Variants in BCORL1 observed in about 807,000 individuals in gnomAD.
BCORL1 encodes BCL-6 corepressor-like protein 1.
A neutral mutation model predicts 87.6 loss-of-function variants in BCORL1; 7 were observed. That is an observed-to-expected ratio of 0.08 (90% CI 0.05 to 0.15). BCORL1 has a LOEUF of 0.15. BCORL1 is among the 10% of genes least tolerant of loss of function. The pLI is 1.00. For missense variants in BCORL1, 1,215 were observed against 1,499.7 expected (o/e 0.81, Z 3.13); for synonymous variants, 591 against 634.4 (o/e 0.93, Z 1.03).
At chrX:129,991,741 T>C (rs760855816) in intron 1 of BCORL1, among the ~76,000 whole-genome samples, 7 of 86,997 alleles carry the variant, frequency 8.0e-5, no homozygotes, top group Non-Finnish European at 1.3e-4. Flanking sequence ...CACTGCAACC[T>C]CCATCTCCCG....
chrX:130,048,880 C>A (rs1385185799), intron 11 of BCORL1, among the ~76,000 whole-genome samples: 1 of 112,373 alleles, frequency 8.9e-6, no homozygotes, highest in Non-Finnish European at 1.9e-5. Flanking sequence ...CTTGCCTCTT[C>A]TGGACATTTC....
At chrX:130,038,922 G>C (rs1383255040) in intron 10 of BCORL1, among the ~76,000 whole-genome samples, 10 of 111,936 alleles carry the variant, frequency 8.9e-5, no homozygotes, top group Non-Finnish European at 1.7e-4. Flanking sequence ...TAATGGGAGG[G>C]AGGAAAAGGG....
chrX:130,013,070 G>T lies in BCORL1; in HGVS notation c.298G>T (p.Asp100Tyr). 1.7e-6 allele frequency: 2 copies of T among 1,211,007 alleles called. No homozygotes were observed. Among genetic ancestry groups the T allele is most frequent in the Non-Finnish European group, 2.2e-6 (2 of 894,652 alleles). ...GCCTGACGATCCCCAGCCAAAAATG[G>T]ACTACGCTGGGAACGTGGCAGAGGC... Reference protein sequence around the residue: ...DKPDDPQPKMDYAGNVAEAEG... With the variant: ...DKPDDPQPKMYYAGNVAEAEG... The change falls in exon 4 of 14, where the codon GAC becomes TAC. Residue 100 changes from aspartate to tyrosine, a missense_variant. By Grantham distance (160) the Asp-to-Tyr change is radical (BLOSUM62 -3). Around this residue, in one of 5 missense-constraint regions of BCORL1, gnomAD observed 861 missense variants for 1,010.0 expected, o/e 0.85. Coordinates refer to ENST00000540052, the MANE Select transcript of BCORL1 (RefSeq NM_001379451.1).
At chrX:129,987,137 A>G (rs991802663) in intron 1 of BCORL1, among the ~76,000 whole-genome samples, 3 of 112,268 alleles carry the variant, frequency 2.7e-5, no homozygotes, top group African/African-American at 6.5e-5. Context: ...TAAACTTTGA[A>G]GAACTCTTAA....
intron 1 of BCORL1, among the ~76,000 whole-genome samples, chrX:130,003,818 A>T (rs1041863445): frequency 1.5e-4 from 17 of 112,285 alleles, no homozygotes; most frequent in African/African-American, 5.5e-4. Context: ...TTAATTGCTG[A>T]ATCCTCAGTA....
At position 129,999,694 on chromosome X, in the gene BCORL1, C is replaced by A. The variant is rs767218906; in HGVS notation, c.-44-5494C>A. ...TCCTCTAATTCTTTTTCCCCCCCCC[C>A]AGACAGAGTCTTAACTGTCGCCTAG... is the stretch of plus-strand genomic sequence containing the variant. On this transcript the variant is annotated intron_variant, in intron 1 of 13. Coordinates refer to ENST00000540052, the MANE Select transcript of BCORL1 (RefSeq NM_001379451.1). Among the ~76,000 whole-genome samples the A allele has an allele frequency of 2.0e-4, 20 of 102,549 alleles. No individual in the cohort carries two copies. The East Asian group carries it at 2.5e-3, about 13-fold the overall frequency. The allele number at this position is 102,549 out of a possible 115,157, so 89.1% of individuals were successfully genotyped here.
chrX:130,001,376 A>T (rs1360236418), intron 1 of BCORL1, among the ~76,000 whole-genome samples: 2 of 112,623 alleles, frequency 1.8e-5, no homozygotes, highest in Non-Finnish European at 3.8e-5. Context: ...GGTGTGAGCC[A>T]CCGTGGCTGG....
In BCORL1 at chrX:130,013,386, C is replaced by T; in HGVS notation, c.614C>T (p.Pro205Leu). ...NFSPLPAPIC[P>L]PAPGSASVPH... The stretch of plus-strand genomic sequence containing the variant: ...AGTCCTCTGCCAGCCCCTATCTGTC[C>T]CCCTGCTCCCGGTTCGGCCTCTGTG... The change falls in exon 4 of 14, where the codon CCC becomes CTC. Residue 205 changes from proline (P) to leucine (L), a missense_variant. Coordinates refer to ENST00000540052, the MANE Select transcript of BCORL1 (RefSeq NM_001379451.1). 4.1e-6 allele frequency: 5 copies of T among 1,210,977 alleles called. No individual in the cohort carries two copies. The highest frequency in any genetic ancestry group is 5.6e-6 in the Non-Finnish European group (5 of 895,109).
At chrX:130,005,366 C>G (rs1347023176) in intron 2 of BCORL1, 49 bp downstream of exon 2, 1 of 1,087,704 alleles carries the variant, frequency 9.2e-7, no homozygotes. Flanking sequence ...TGAGCAGTAC[C>G]TCGTCACCAG....
chrX:130,012,399 G>A (rs1451897082), intron 2 of BCORL1, among the ~76,000 whole-genome samples, 179 bp from the exon 3 acceptor site: 4 of 111,433 alleles, frequency 3.6e-5, no homozygotes, highest in Non-Finnish European at 7.5e-5. Flanking sequence ...TAGGTGTGGC[G>A]CCTCCGCTTT....
In BCORL1 at chrX:130,015,768, C is replaced by A; in HGVS notation, c.2996C>A (p.Thr999Asn). 1 of 1,211,559 alleles carries A rather than the reference C, an allele frequency of 8.3e-7. No homozygotes were observed. Among genetic ancestry groups the A allele is most frequent in the Middle Eastern group, 2.3e-4 (1 of 4,355 alleles). The part of the protein sequence containing the change: ...TYMSHELVLA[T>N]PQNLPKMPEL... ...ATGTCCCATGAGCTGGTCCTGGCCACCCCCCAGAACCTGCCTAAGATGCCT... is the reference window on the plus strand; with the variant it reads ...ATGTCCCATGAGCTGGTCCTGGCCAACCCCCAGAACCTGCCTAAGATGCCT... Residue 999 changes from threonine (T) to asparagine (N), a missense_variant, in exon 4 of 14, where the codon ACC (threonine) becomes AAC (asparagine). This residue lies in a region of BCORL1 where 861 missense variants were observed against 1,010.0 expected (regional missense o/e 0.85). Coordinates refer to ENST00000540052, the MANE Select transcript of BCORL1 (RefSeq NM_001379451.1).
At chrX:129,998,483 C>T (rs1046686271) in intron 1 of BCORL1, among the ~76,000 whole-genome samples, 1 of 111,663 alleles carries the variant, frequency 9.0e-6, no homozygotes, top group Non-Finnish European at 1.9e-5. Flanking sequence ...AAGGCTTTTC[C>T]TTTTTGCTCA....
upstream of BCORL1, among the ~76,000 whole-genome samples, chrX:129,982,184 C>T (rs1926160730): frequency 1.8e-5 from 2 of 108,330 alleles, no homozygotes; most frequent in Admixed American, 1.9e-4. Context: ...CAACCTCCCC[C>T]TTCGAGGGGC....
intron 1 of BCORL1, among the ~76,000 whole-genome samples, chrX:129,996,811 G>T (rs750776213): frequency 6.4e-5 from 7 of 109,776 alleles, no homozygotes; most frequent in Non-Finnish European, 1.1e-4. Context: ...TAGAGACGAG[G>T]TCTCACTATG....
chrX:130,055,785 G>A, intron 13 of BCORL1, 69 bp from the exon 14 acceptor site: 5 of 1,057,449 alleles, frequency 4.7e-6, no homozygotes, highest in Non-Finnish European at 6.4e-6. Flanking sequence ...GCTTTGCAGA[G>A]TGTTCTGGGT....
intron 1 of BCORL1, among the ~76,000 whole-genome samples, chrX:129,983,747 A>C (rs1335775517): frequency 9.4e-6 from 1 of 106,076 alleles, no homozygotes; most frequent in Non-Finnish European, 2.0e-5. Context: ...GCTTAAATTG[A>C]AGGAAGATGA....
chrX:130,047,899 A>T (rs774319807), intron 11 of BCORL1, among the ~76,000 whole-genome samples: 263 of 111,887 alleles, frequency 2.4e-3, no homozygotes, highest in African/African-American at 8.3e-3. Flanking sequence ...CACCTAACAC[A>T]GGGCTAGGCA....
chrX:130,020,906 G>A lies in BCORL1; in HGVS notation c.3442-79G>A, dbSNP rs370432079. Reference sequence around the variant, plus strand: ...CAGCTCATGCCTCTAGGTCAGAAACGGGACACATGGCTCAACCCCTGGAGA... The same window carrying A: ...CAGCTCATGCCTCTAGGTCAGAAACAGGACACATGGCTCAACCCCTGGAGA... On this transcript the variant is annotated intron_variant, in intron 4 of 13. Coordinates refer to ENST00000540052, the MANE Select transcript of BCORL1 (RefSeq NM_001379451.1). The A allele has an allele frequency of 6.3e-4, 658 of 1,040,392 alleles. 3 individuals are homozygous for A. In the South Asian group the frequency reaches 0.017, roughly 26 times the overall value. The allele number at this position is 1,040,392 out of a possible 1,213,427, so 85.7% of individuals were successfully genotyped here. A position where few individuals can be genotyped will look rare whatever the true frequency, so the allele number is the denominator to read the frequency against.
intron 1 of BCORL1, among the ~76,000 whole-genome samples, chrX:129,984,007 G>A (rs12391730): frequency 0.52 from 55,090 of 105,127 alleles, 12,379 homozygotes; most frequent in African/African-American, 0.8. Context: ...GGGCGTGAGG[G>A]ACGGACAGCA....
Sources: allele counts gnomAD v4.1 joint callset (sites outside exome capture counted in the v4.1 genomes callset), GRCh38; gene constraint gnomAD v4.1.1; regional missense constraint gnomAD v4.1.1; transcripts MANE v1.5; gene names NCBI Gene and HGNC (gene_info 2026-07-23, HGNC 2026-07-21).